Variants in STXBP3 observed in about 807,000 individuals in gnomAD.
STXBP3 encodes the protein syntaxin binding protein 3, also known as syntaxin-binding protein 3.
Under a neutral mutation model 85.7 loss-of-function variants are expected in STXBP3, and 41 were observed. The ratio of observed to expected loss-of-function variants is 0.48; its 90% CI spans 0.37 to 0.62. The LOEUF (loss-of-function observed/expected upper bound fraction) is 0.62, where lower values mean the gene tolerates loss of function less well. STXBP3 is among the 20% of genes least tolerant of loss of function. STXBP3 has a pLI of 0.00. For synonymous variants in STXBP3, 229 were observed against 231.7 expected (o/e 0.99, Z 0.10); for missense variants, 563 against 703.1 (o/e 0.80, Z 2.25).
chr1:108,785,269 T>G (rs763875595), intron 11 of STXBP3, among the ~76,000 whole-genome samples: 4 of 152,216 alleles, frequency 2.6e-5, no homozygotes, highest in African/African-American at 4.8e-5. Flanking sequence ...CAGACATTTC[T>G]ATACATCCTC....
At chr1:108,749,031 C>G (rs1307752506) in intron 1 of STXBP3, among the ~76,000 whole-genome samples, 1 of 152,110 alleles carries the variant, frequency 6.6e-6, no homozygotes, top group East Asian at 1.9e-4. Flanking sequence ...GTGACTCTGA[C>G]AGCTGTGTGA....
intron 6 of STXBP3, among the ~76,000 whole-genome samples, 187 bp from the exon 7 acceptor site, chr1:108,772,478 A>G (rs1018807838): frequency 4.1e-5 from 6 of 145,770 alleles, no homozygotes; most frequent in African/African-American, 1.5e-4. Flanking sequence ...TATCTGTATA[A>G]TATATAAATA....
intron 8 of STXBP3, among the ~76,000 whole-genome samples, chr1:108,777,511 G>A (rs1662614741): frequency 6.6e-6 from 1 of 152,118 alleles, no homozygotes; most frequent in Non-Finnish European, 1.5e-5. Flanking sequence ...CCTGGTGAAG[G>A]CTGTTATTCT....
intron 7 of STXBP3, 48 bp from the exon 8 acceptor site, chr1:108,776,285 T>C: frequency 3.1e-6 from 4 of 1,304,024 alleles, no homozygotes; most frequent in East Asian, 2.4e-5. Flanking sequence ...TATTATAAAG[T>C]ATACACTGAA....
intron 6 of STXBP3, among the ~76,000 whole-genome samples, chr1:108,771,650 A>C (rs868174995): frequency 0.067 from 521 of 7,774 alleles, 149 homozygotes; most frequent in African/African-American, 0.1. Flanking sequence ...TATATGATAT[A>C]TATCTATATA....
intron 4 of STXBP3, among the ~76,000 whole-genome samples, chr1:108,757,346 A>G (rs1662043756): frequency 6.6e-6 from 1 of 152,086 alleles, no homozygotes; most frequent in African/African-American, 2.4e-5. Context: ...ATTCCCATGT[A>G]GAACGTTAAT....
intron 8 of STXBP3, among the ~76,000 whole-genome samples, chr1:108,778,664 C>A (rs1662641147): frequency 7.4e-6 from 1 of 134,254 alleles, no homozygotes; most frequent in Non-Finnish European, 1.6e-5. Context: ...ATATTTAGAG[C>A]TCAAATAGTA....
At chr1:108,752,200 G>A in intron 1 of STXBP3, 57 bp from the exon 2 acceptor site, 4 of 1,519,570 alleles carry the variant, frequency 2.6e-6, no homozygotes, top group Non-Finnish European at 3.6e-6. Context: ...TGGACCCTTT[G>A]GATTACTATG....
chr1:108,758,579 T>A lies in STXBP3; in HGVS notation c.328T>A (p.Phe110Ile), dbSNP rs747875796. Residue 110 changes from phenylalanine to isoleucine, a missense_variant, in exon 5 of 19, where the codon TTC becomes ATC. Coordinates refer to ENST00000370008, the MANE Select transcript of STXBP3 (RefSeq NM_007269.4). ...ENKYKAAYIY[F>I]TDFCPDNLFN... The stretch of plus-strand genomic sequence containing the variant: ...CAAGTATAAAGCAGCATATATTTAC[T>A]TCACTGACTGTAAGTCTTTTAAAAA... 1 of 1,511,472 alleles carries A rather than the reference T, an allele frequency of 6.6e-7. No homozygotes were observed. The highest frequency in any genetic ancestry group is 8.9e-7 in the Non-Finnish European group (1 of 1,119,798). The allele number at this position is 1,511,472 out of a possible 1,614,324, so 93.6% of individuals were successfully genotyped here.
chr1:108,747,992 CATGT>C (rs967280069), intron 1 of STXBP3, among the ~76,000 whole-genome samples: 27 of 152,150 alleles, frequency 1.8e-4, no homozygotes, highest in African/African-American at 6.3e-4. Context: ...TTAACATCCG[CATGT>C]ATGTATTTAA....
chr1:108,789,094 G>C (rs758943378), intron 11 of STXBP3, among the ~76,000 whole-genome samples: 5 of 152,078 alleles, frequency 3.3e-5, no homozygotes, highest in Non-Finnish European at 7.4e-5. Flanking sequence ...CACTGCATAT[G>C]TTATTAATAT....
intron 6 of STXBP3, among the ~76,000 whole-genome samples, chr1:108,760,659 A>C (rs2101107056): frequency 6.6e-6 from 1 of 152,280 alleles, no homozygotes; most frequent in Admixed American, 6.5e-5. Flanking sequence ...ATAGTAATAG[A>C]TTGTACTTCT....
At chr1:108,802,362 A>G (rs61797349) in intron 17 of STXBP3, among the ~76,000 whole-genome samples, 57,670 of 151,860 alleles carry the variant, frequency 0.38, 11,376 homozygotes, top group Middle Eastern at 0.48. Context: ...ATGCCACTGC[A>G]CTCCAGCCTA....
chr1:108,796,595 G>A (rs373446123), intron 14 of STXBP3, 25 bp from the exon 15 acceptor site: 2 of 1,589,270 alleles, frequency 1.3e-6, no homozygotes, highest in African/African-American at 1.3e-5. Flanking sequence ...GTGTGATTGT[G>A]CACTCATATT....
chr1:108,800,692 C>T (rs1295348013), intron 17 of STXBP3, among the ~76,000 whole-genome samples: 1 of 152,174 alleles, frequency 6.6e-6, no homozygotes, highest in Non-Finnish European at 1.5e-5. Context: ...CTGTATATCA[C>T]ACTATGGTTT....
intron 6 of STXBP3, among the ~76,000 whole-genome samples, chr1:108,765,170 A>T (rs1662232861): frequency 6.6e-6 from 1 of 152,164 alleles, no homozygotes; most frequent in Admixed American, 6.5e-5. Flanking sequence ...GCTTTGTCGA[A>T]TATCAGATGG....
intron 11 of STXBP3, among the ~76,000 whole-genome samples, chr1:108,783,290 AACT>A (rs1662755138): frequency 2.6e-5 from 4 of 152,360 alleles, no homozygotes; most frequent in Non-Finnish European, 1.5e-5. Context: ...TATACTGGAT[AACT>A]TTTACTTATA....
At chr1:108,771,040 A>C (rs1662381324) in intron 6 of STXBP3, among the ~76,000 whole-genome samples, 2 of 152,000 alleles carry the variant, frequency 1.3e-5, no homozygotes, top group African/African-American at 4.8e-5. Context: ...TTTATAATTT[A>C]TGTCTGAGAT....
chr1:108,798,669 C>T (rs4970812), intron 16 of STXBP3, among the ~76,000 whole-genome samples: 57,431 of 151,688 alleles, frequency 0.38, 11,268 homozygotes, highest in Middle Eastern at 0.47. Flanking sequence ...CCACCTTGGC[C>T]TCCCAAAGTG....
Sources: gnomAD v4.1 joint callset for allele counts (sites outside exome capture counted in the v4.1 genomes callset) on GRCh38, gnomAD v4.1.1 for gene constraint, MANE v1.5 for transcripts, NCBI Gene and HGNC (gene_info 2026-07-23, HGNC 2026-07-21) for gene names.